The following LMF1 variants were observed in gnomAD, a reference collection of about 807,000 sequenced individuals.
The protein encoded by LMF1 is transmembrane protein 112.
Under a neutral mutation model 60.6 loss-of-function variants are expected in LMF1, and 68 were observed. The ratio of observed to expected loss-of-function variants is 1.12; its 90% CI spans 0.92 to 1.37. The LOEUF (loss-of-function observed/expected upper bound fraction) is 1.37. Among genes scored for constraint, LMF1 ranks in the 40% most tolerant of loss-of-function variants. The pLI is 0.00. For synonymous variants in LMF1, 418 were observed against 324.7 expected (o/e 1.29, Z -3.09); for missense variants, 948 against 767.2 (o/e 1.24, Z -2.78).
At chr16:899,019 CAG>C (rs2070737361) in intron 4 of LMF1, 1 of 152,256 alleles carries the variant, frequency 6.6e-6, no homozygotes, top group African/African-American at 2.4e-5. Flanking sequence ...CTCTTTGTAG[CAG>C]AGTTTTATTT....
chr16:909,550 G>A (rs1257651171), intron 4 of LMF1, among the ~76,000 whole-genome samples: 2 of 151,980 alleles, frequency 1.3e-5, no homozygotes, highest in Non-Finnish European at 2.9e-5. Flanking sequence ...ACGCTATGCA[G>A]AACCATGCTA....
intron 5 of LMF1, chr16:887,009 G>A (rs1033494613): frequency 4.6e-5 from 7 of 151,722 alleles, no homozygotes; most frequent in Non-Finnish European, 1.0e-4. Flanking sequence ...CCAGCCGCCG[G>A]ATGGGATTCA....
At chr16:882,629 C>T (rs2070191968) in intron 5 of LMF1, among the ~76,000 whole-genome samples, 1 of 151,906 alleles carries the variant, frequency 6.6e-6, no homozygotes, top group South Asian at 2.1e-4. Flanking sequence ...GTTGCTACTG[C>T]TCAGGAGAAG....
At chr16:883,945 T>C (rs934317485) in intron 5 of LMF1, 1 of 152,264 alleles carries the variant, frequency 6.6e-6, no homozygotes, top group Non-Finnish European at 1.5e-5. Flanking sequence ...CCTTATTTTC[T>C]ATCTACCTGC....
At chr16:872,087 G>C (rs561562856) in intron 6 of LMF1, 2 of 152,212 alleles carry the variant, frequency 1.3e-5, no homozygotes, top group African/African-American at 4.8e-5. Context: ...CAGCTCCGTC[G>C]GGTGATATCA....
At chr16:862,056 G>A (rs975281665) in intron 10 of LMF1, among the ~76,000 whole-genome samples, 22 of 152,176 alleles carry the variant, frequency 1.4e-4, no homozygotes, top group African/African-American at 5.1e-4. Context: ...TTCGGTAGCT[G>A]GTAACGTGTG....
chr16:975,053 TG>T (rs1491001461), upstream of LMF1, among the ~76,000 whole-genome samples: 1 of 152,034 alleles, frequency 6.6e-6, no homozygotes, highest in Non-Finnish European at 1.5e-5. Context: ...CAGGTGCGGG[TG>T]GGGGCTGAGA....
intron 3 of LMF1, among the ~76,000 whole-genome samples, chr16:911,962 G>A (rs76065736): frequency 6.6e-6 from 1 of 152,140 alleles, no homozygotes; most frequent in Non-Finnish European, 1.5e-5. Context: ...GATGCGGGTC[G>A]CCATTCCAGT....
chr16:924,626 C>T (rs563370830), intron 3 of LMF1, among the ~76,000 whole-genome samples: 1 of 152,086 alleles, frequency 6.6e-6, no homozygotes, highest in East Asian at 1.9e-4. Context: ...TCTCAGATGA[C>T]AGGGTAGGGC....
intron 3 of LMF1, among the ~76,000 whole-genome samples, chr16:912,470 G>T (rs1409909436): frequency 6.6e-6 from 1 of 152,242 alleles, no homozygotes; most frequent in Admixed American, 6.5e-5. Context: ...GTAACCCAAA[G>T]TACAAAATAA....
chr16:934,189 C>G lies in LMF1; in HGVS notation c.514+55G>C. ...CAGGAAAAGTGCGTGAAGATACATA[C>G]CAAACACACAACGCTCAACTCTCGC... is the stretch of plus-strand genomic sequence containing the variant. On this transcript the variant is annotated intron_variant, in intron 3 of 10. Coordinates refer to ENST00000262301, the MANE Select transcript of LMF1 (RefSeq NM_022773.4). 1.9e-6 allele frequency: 3 copies of G among 1,599,104 alleles called. No individual in the cohort carries two copies. In the South Asian group the frequency reaches 3.3e-5, roughly 18 times the overall value.
chr16:882,266 G>A (rs1180483240), intron 5 of LMF1, among the ~76,000 whole-genome samples: 3 of 152,270 alleles, frequency 2.0e-5, no homozygotes, highest in African/African-American at 4.8e-5. Context: ...AGGCTCAGCT[G>A]TAGTGGCCAC....
rs547853418 is a variant in LMF1 at position 863,789 on chromosome 16, C to T, written c.1529+5155G>A. On this transcript the variant is annotated intron_variant, in intron 10 of 10. Transcript: ENST00000262301. ...GCTGGGACTACAGGTGCTTCCACGG[C>T]ATCCAGCTGATGTCAGATTATTGAT... is the stretch of plus-strand genomic sequence containing the variant. 2.6e-5 allele frequency among the ~76,000 whole-genome samples: 4 copies of T among 152,322 alleles called. No individual in the cohort carries two copies. In the South Asian group the frequency reaches 8.3e-4, roughly 32 times the overall value.
chr16:979,159 C>A, intron 1 of LMF1: 1 of 442,062 alleles, frequency 2.3e-6, no homozygotes, highest in South Asian at 1.6e-5. Flanking sequence ...CTCAAGCCAT[C>A]CCGACACCTC....
chr16:899,214 G>A (rs1009523715), intron 4 of LMF1: 6 of 152,250 alleles, frequency 3.9e-5, no homozygotes, highest in African/African-American at 1.4e-4. Flanking sequence ...AACGCCGGAG[G>A]TCGGAGGCAC....
chr16:979,456 C>A, intron 1 of LMF1: 1 of 355,580 alleles, frequency 2.8e-6, no homozygotes, highest in Non-Finnish European at 5.6e-6. Flanking sequence ...CCCTGGTGAT[C>A]ACTGCAACCT....
At chr16:854,836 C>A in intron 10 of LMF1, 130 bp from the exon 11 acceptor site, 1 of 843,410 alleles carries the variant, frequency 1.2e-6, no homozygotes, top group South Asian at 1.5e-5. Context: ...TGAGGAGCCC[C>A]CACCCTGAGC....
chr16:906,540 G>A (rs929612409), intron 4 of LMF1, among the ~76,000 whole-genome samples: 4 of 152,084 alleles, frequency 2.6e-5, no homozygotes, highest in African/African-American at 7.2e-5. Context: ...TCTGAGACTC[G>A]GGACCGGCTC....
chr16:960,414 G>A (rs1353229793), intron 1 of LMF1, among the ~76,000 whole-genome samples: 1 of 89,540 alleles, frequency 1.1e-5, no homozygotes, highest in Non-Finnish European at 2.2e-5. Context: ...CAGACTCACG[G>A]TGACAGCACG....
Sources: allele counts gnomAD v4.1 joint callset (sites outside exome capture counted in the v4.1 genomes callset), GRCh38; gene constraint gnomAD v4.1.1; transcripts MANE v1.5; gene names NCBI Gene and HGNC (gene_info 2026-07-23, HGNC 2026-07-21).